Variants in DZANK1 observed in about 807,000 individuals in gnomAD.
The protein encoded by DZANK1 is double zinc ribbon and ankyrin repeat-containing protein 1.
In DZANK1, 91 loss-of-function variants were observed where a neutral mutation model predicts 94.5. The observed-to-expected ratio is 0.96, with a 90% CI of 0.81 to 1.15. The LOEUF (loss-of-function observed/expected upper bound fraction) is 1.15, where lower values mean the gene tolerates loss of function less well. DZANK1 is among the 50% of genes most tolerant of loss of function. The pLI is 0.00. For synonymous variants in DZANK1, 312 were observed against 325.3 expected (o/e 0.96, Z 0.44); for missense variants, 903 against 916.4 (o/e 0.99, Z 0.19).
At chr20:18,466,887 G>GAAA (rs2059677159) in intron 1 of DZANK1, 109 bp downstream of exon 1, 1 of 152,572 alleles carries the variant, frequency 6.6e-6, no homozygotes, top group Non-Finnish European at 1.5e-5. Flanking sequence ...TGGAGTAAGG[G>GAAA]AAGCTCTTCC....
intron 8 of DZANK1, among the ~76,000 whole-genome samples, chr20:18,434,545 CA>C (rs55680576): frequency 6.8e-3 from 323 of 47,568 alleles, no homozygotes; most frequent in Non-Finnish European, 9.2e-3. Flanking sequence ...GACTCCTGCT[CA>C]AAAAAAAAAA....
rs756577408 is a variant in DZANK1, at chr20:18,398,632, AAAG to A, written c.1433-9_1433-7del. On this transcript the variant is annotated splice_region_variant and splice_polypyrimidine_tract_variant and intron_variant, in intron 13 of 20. Transcript: ENST00000262547. ...CAGCTGTCTTCTCCAGTACCCTAAGAAAGAAGAGAAACCCCGCCATCTGGATGA... is the reference window on the plus strand; with the variant it reads ...CAGCTGTCTTCTCCAGTACCCTAAGAAAGAGAAACCCCGCCATCTGGATGA... 1 of 1,612,970 alleles carries A rather than the reference AAAG, an allele frequency of 6.2e-7. No individual in the cohort carries two copies. The highest frequency in any genetic ancestry group is 8.5e-7 in the Non-Finnish European group (1 of 1,178,980).
At chr20:18,431,673 G>A (rs1473159530) in intron 9 of DZANK1, among the ~76,000 whole-genome samples, 1 of 152,164 alleles carries the variant, frequency 6.6e-6, no homozygotes, top group Non-Finnish European at 1.5e-5. Flanking sequence ...AGGTTATGAT[G>A]ATAAAAATCT....
At chr20:18,384,416 T>A (rs1374951123) in exon 21 of DZANK1, 2 of 1,611,314 alleles carry the variant, frequency 1.2e-6, no homozygotes, top group African/African-American at 2.7e-5. Flanking sequence ...TCATCCAGGC[T>A]GAGGCTCCTA....
At chr20:18,415,959 A>AACCT (rs1348347851) in intron 10 of DZANK1, among the ~76,000 whole-genome samples, 1 of 152,160 alleles carries the variant, frequency 6.6e-6, no homozygotes, top group East Asian at 1.9e-4. Context: ...ATGTTAGGTA[A>AACCT]ACCTATATTT....
chr20:18,464,081 T>C (rs574189034), intron 2 of DZANK1, among the ~76,000 whole-genome samples: 10 of 144,892 alleles, frequency 6.9e-5, no homozygotes, highest in Non-Finnish European at 1.2e-4. Flanking sequence ...TTCTTTTTCT[T>C]TTTTTTTTTT....
intron 15 of DZANK1, 123 bp from the exon 16 acceptor site, chr20:18,394,473 A>G: frequency 2.1e-6 from 2 of 953,736 alleles, no homozygotes; most frequent in Non-Finnish European, 3.2e-6. Context: ...CAGAGAGTGG[A>G]GCCTGAGACC....
chr20:18,436,677 A>T (rs2424193), intron 8 of DZANK1, among the ~76,000 whole-genome samples: 1 of 152,150 alleles, frequency 6.6e-6, no homozygotes, highest in South Asian at 2.1e-4. Context: ...ACAATGGCCA[A>T]TATTTCCCAC....
chr20:18,463,914 A>G (rs1460010784), intron 2 of DZANK1, among the ~76,000 whole-genome samples: 2 of 152,164 alleles, frequency 1.3e-5, no homozygotes, highest in Non-Finnish European at 2.9e-5. Flanking sequence ...TTTTTTACAC[A>G]TCTATTTGTT....
rs2055857896 is a variant in DZANK1 at position 18,389,833 on chromosome 20, A to C, written c.1891-5T>G. 1.9e-6 allele frequency: 3 copies of C among 1,613,862 alleles called. No homozygotes were observed. The highest frequency in any genetic ancestry group is 2.5e-6 in the Non-Finnish European group (3 of 1,179,784). ...ACAGCAGTTGGGGTCTGCTCCCTGC[A>C]GCAAACGGAAAAGGACAAACTCTCC... On this transcript the variant is annotated splice_polypyrimidine_tract_variant and splice_region_variant and intron_variant, in intron 18 of 20. Coordinates refer to ENST00000262547, the Ensembl canonical transcript of DZANK1.
intron 9 of DZANK1, among the ~76,000 whole-genome samples, 183 bp from the exon 10 acceptor site, chr20:18,427,342 T>C (rs975460303): frequency 6.6e-6 from 1 of 151,880 alleles, no homozygotes; most frequent in South Asian, 2.1e-4. Context: ...TAGGTTTTTT[T>C]GGGTTTTTTT....
At chr20:18,390,733 A>G (rs1600712840) in intron 17 of DZANK1, among the ~76,000 whole-genome samples, 1 of 152,228 alleles carries the variant, frequency 6.6e-6, no homozygotes, top group African/African-American at 2.4e-5. Flanking sequence ...CACAAAACCC[A>G]GAAACTCCAC....
At chr20:18,410,837 G>A (rs1170356065) in intron 13 of DZANK1, among the ~76,000 whole-genome samples, 1 of 152,142 alleles carries the variant, frequency 6.6e-6, no homozygotes, top group Admixed American at 6.5e-5. Flanking sequence ...TGTGCTCCCA[G>A]CTACTCAGTA....
At chr20:18,399,125 CA>C (rs11387673) in intron 13 of DZANK1, among the ~76,000 whole-genome samples, 131 of 127,524 alleles carry the variant, frequency 1.0e-3, no homozygotes, top group Admixed American at 2.6e-3. Flanking sequence ...GACTACATCT[CA>C]AAAAAAAAAA....
At chr20:18,432,562 G>A (rs1347144861) in intron 9 of DZANK1, 1 of 152,174 alleles carries the variant, frequency 6.6e-6, no homozygotes, top group African/African-American at 2.4e-5. Flanking sequence ...GTACACTTGT[G>A]AACTCTTCAT....
intron 9 of DZANK1, among the ~76,000 whole-genome samples, chr20:18,432,310 G>A (rs1381607787): frequency 6.6e-6 from 1 of 152,158 alleles, no homozygotes; most frequent in Admixed American, 6.5e-5. Context: ...TAGATTTGCT[G>A]TGCTTGACAG....
intron 14 of DZANK1, among the ~76,000 whole-genome samples, chr20:18,397,615 C>A (rs1460696442): frequency 6.6e-6 from 1 of 152,214 alleles, no homozygotes; most frequent in Non-Finnish European, 1.5e-5. Flanking sequence ...ACCACCACCA[C>A]TTTATTATGC....
Position 18,448,159 on chromosome 20 carries a change from TAAAC to T in DZANK1, c.629+821_629+824del, listed in dbSNP as rs2058953372. 3.3e-5 allele frequency among the ~76,000 whole-genome samples: 5 copies of T among 152,270 alleles called. No homozygotes were observed. The South Asian group carries it at 1.0e-3, about 32-fold the overall frequency. ...AAATTCCCATCAATAAGTGAATGGA[TAAAC>T]AAACTGTGGTATATCCATACAATGG... is the stretch of plus-strand genomic sequence containing the variant. On this transcript the variant is annotated intron_variant, in intron 7 of 20. Coordinates refer to ENST00000262547, the Ensembl canonical transcript of DZANK1.
chr20:18,412,762 A>G, exon 13 of DZANK1: 3 of 1,613,870 alleles, frequency 1.9e-6, no homozygotes, highest in Non-Finnish European at 2.5e-6. Context: ...AGATGGGTAG[A>G]AGAGGCCAAC....
Sources: gnomAD v4.1 joint callset for allele counts (sites outside exome capture counted in the v4.1 genomes callset) on GRCh38, gnomAD v4.1.1 for gene constraint, MANE v1.5 for transcripts, NCBI Gene and HGNC (gene_info 2026-07-23, HGNC 2026-07-21) for gene names.